Variants in EEIG2 observed in about 807,000 individuals in gnomAD.
EEIG2 encodes the protein EEIG family member 2, also known as family with sequence similarity 102 member B.
chr1:108,564,368 A>G, the EEIG2 span, among the ~76,000 whole-genome samples: 1 of 152,228 alleles, frequency 6.6e-6, no homozygotes, highest in Non-Finnish European at 1.5e-5. Context: ...TGACTGATAA[A>G]TGATAATCTT....
the EEIG2 span, among the ~76,000 whole-genome samples, chr1:108,610,008 C>CT: frequency 6.6e-6 from 1 of 152,116 alleles, no homozygotes; most frequent in East Asian, 1.9e-4. Context: ...CCATAGCAAA[C>CT]TATGTGACAA....
the EEIG2 span, among the ~76,000 whole-genome samples, chr1:108,570,214 T>TCCTC: frequency 1.3e-5 from 2 of 152,190 alleles, no homozygotes; most frequent in Non-Finnish European, 2.9e-5. Flanking sequence ...TTTTTAAAAG[T>TCCTC]CTAGCTGGAG....
At chr1:108,598,528 T>C in the EEIG2 span, among the ~76,000 whole-genome samples, 2 of 152,212 alleles carry the variant, frequency 1.3e-5, no homozygotes, top group African/African-American at 2.4e-5. Flanking sequence ...CTCGCCTGCA[T>C]TGTGACCATA....
the EEIG2 span, among the ~76,000 whole-genome samples, chr1:108,572,187 C>G: frequency 6.6e-6 from 1 of 152,206 alleles, no homozygotes; most frequent in Non-Finnish European, 1.5e-5. Flanking sequence ...ACTTGACTAT[C>G]TTGACTTCCA....
At chr1:108,619,496 A>G in the EEIG2 span, among the ~76,000 whole-genome samples, 1 of 152,246 alleles carries the variant, frequency 6.6e-6, no homozygotes, top group Non-Finnish European at 1.5e-5. Context: ...TATATGTCAA[A>G]TATGTAAAGT....
At chr1:108,581,768 C>G in the EEIG2 span, among the ~76,000 whole-genome samples, 1 of 152,104 alleles carries the variant, frequency 6.6e-6, no homozygotes, top group Admixed American at 6.6e-5. Flanking sequence ...GTATCTATTC[C>G]TAGTGAAGAT....
chr1:108,593,779 G>A, the EEIG2 span, among the ~76,000 whole-genome samples: 1 of 151,910 alleles, frequency 6.6e-6, no homozygotes, highest in Non-Finnish European at 1.5e-5. Context: ...TAAAGAAGAA[G>A]ACTTAGTTTT....
At chr1:108,636,379 T>G in the EEIG2 span, 1 of 152,308 alleles carries the variant, frequency 6.6e-6, no homozygotes, top group East Asian at 1.9e-4. Context: ...AACCAGTAAT[T>G]CCCCAATTCT....
At chr1:108,571,831 A>T in the EEIG2 span, among the ~76,000 whole-genome samples, 1 of 152,072 alleles carries the variant, frequency 6.6e-6, no homozygotes, top group South Asian at 2.1e-4. Context: ...GACAAACTTA[A>T]TCTTCATCCT....
At chr1:108,637,396 T>TA in the EEIG2 span, 2 of 152,088 alleles carry the variant, frequency 1.3e-5, no homozygotes, top group Non-Finnish European at 2.9e-5. Flanking sequence ...CCTTTCAAAA[T>TA]ACTCGCTAAG....
At chr1:108,567,712 A>G in the EEIG2 span, among the ~76,000 whole-genome samples, 6 of 152,240 alleles carry the variant, frequency 3.9e-5, no homozygotes, top group Non-Finnish European at 8.8e-5. Flanking sequence ...AGTAAAATGC[A>G]GCGAGGCATT....
the EEIG2 span, among the ~76,000 whole-genome samples, chr1:108,620,650 A>G: frequency 6.6e-6 from 1 of 152,230 alleles, no homozygotes; most frequent in Non-Finnish European, 1.5e-5. Context: ...AAATGATTTC[A>G]TGAATGTTAC....
chr1:108,566,085 TTTTTTACTTC>T, the EEIG2 span, among the ~76,000 whole-genome samples: 1 of 152,138 alleles, frequency 6.6e-6, no homozygotes, highest in African/African-American at 2.4e-5. Context: ...CTTAGTATGG[TTTTTTACTTC>T]ATGTATCTTT....
chr1:108,600,503 G>T, the EEIG2 span: 5 of 1,560,880 alleles, frequency 3.2e-6, no homozygotes. Flanking sequence ...GAAAGTATGG[G>T]TGTGCTTTTT....
chr1:108,596,805 C>G, the EEIG2 span, among the ~76,000 whole-genome samples: 1 of 152,020 alleles, frequency 6.6e-6, no homozygotes, highest in Admixed American at 6.6e-5. Context: ...GTGGCACACT[C>G]ATGGCTCACT....
the EEIG2 span, among the ~76,000 whole-genome samples, chr1:108,609,654 G>A: frequency 6.6e-6 from 1 of 152,146 alleles, no homozygotes; most frequent in Non-Finnish European, 1.5e-5. Context: ...GAGTAAATGC[G>A]GAGGAGGAGG....
the EEIG2 span, among the ~76,000 whole-genome samples, chr1:108,613,079 G>A: frequency 6.6e-6 from 1 of 152,156 alleles, no homozygotes; most frequent in African/African-American, 2.4e-5. Context: ...TGCATAAAGT[G>A]GTTTTTGTAA....
At chr1:108,576,820 G>C in the EEIG2 span, among the ~76,000 whole-genome samples, 2 of 151,910 alleles carry the variant, frequency 1.3e-5, no homozygotes, top group Non-Finnish European at 2.9e-5. Context: ...CCAGTAATGG[G>C]ATGGCTGGGT....
At chr1:108,606,169 A>G in the EEIG2 span, 1 of 1,151,728 alleles carries the variant, frequency 8.7e-7, no homozygotes, top group African/African-American at 1.6e-5. Flanking sequence ...ACATATATTT[A>G]ATTTTAAATC....
Sources: allele counts gnomAD v4.1 joint callset (sites outside exome capture counted in the v4.1 genomes callset), GRCh38; gene constraint gnomAD v4.1.1; transcripts MANE v1.5; gene names NCBI Gene and HGNC (gene_info 2026-07-23, HGNC 2026-07-21).